Variants in GALNT13 observed in about 807,000 individuals in gnomAD.
The protein encoded by GALNT13 is polypeptide N-acetylgalactosaminyltransferase 13.
A neutral mutation model predicts 64.2 loss-of-function variants in GALNT13; 28 were observed. The ratio of observed to expected loss-of-function variants is 0.44; its 90% CI spans 0.32 to 0.60. The LOEUF (loss-of-function observed/expected upper bound fraction) is 0.60. Among genes scored for constraint, GALNT13 ranks in the 20% least tolerant of loss-of-function variants. GALNT13 has a pLI of 0.05. For missense variants in GALNT13, 577 were observed against 669.8 expected (o/e 0.86, Z 1.53); for synonymous variants, 214 against 224.6 (o/e 0.95, Z 0.42).
chr2:153,837,287 T>C, the GALNT13 span, among the ~76,000 whole-genome samples: 2 of 152,216 alleles, frequency 1.3e-5, no homozygotes, highest in African/African-American at 4.8e-5. Context: ...CATGTGTCTG[T>C]TGGCTGCATA....
intron 9 of GALNT13, among the ~76,000 whole-genome samples, chr2:154,371,534 A>G (rs1021894952): frequency 3.9e-5 from 6 of 152,108 alleles, no homozygotes; most frequent in Non-Finnish European, 8.8e-5. Context: ...GGAAAATCCT[A>G]TATAAAGGGA....
the GALNT13 span, among the ~76,000 whole-genome samples, chr2:153,461,012 TGGC>T: frequency 6.6e-6 from 1 of 152,182 alleles, no homozygotes; most frequent in Non-Finnish European, 1.5e-5. Flanking sequence ...GACAGAGTTG[TGGC>T]GTATACACTT....
chr2:153,361,937 G>T, the GALNT13 span, among the ~76,000 whole-genome samples: 2 of 152,078 alleles, frequency 1.3e-5, no homozygotes, highest in Admixed American at 6.6e-5. Context: ...TCCAAGGTTG[G>T]AATGAAGGAG....
the GALNT13 span, among the ~76,000 whole-genome samples, chr2:153,728,672 C>G: frequency 5.9e-4 from 89 of 152,000 alleles, no homozygotes; most frequent in African/African-American, 2.0e-3. Flanking sequence ...GCTAGAGACA[C>G]GAAAAACCCT....
the GALNT13 span, among the ~76,000 whole-genome samples, chr2:153,599,889 A>C: frequency 6.6e-6 from 1 of 151,986 alleles, no homozygotes; most frequent in Non-Finnish European, 1.5e-5. Flanking sequence ...CTCAGAGCTG[A>C]CACTAAACCA....
At chr2:153,440,064 T>C in the GALNT13 span, among the ~76,000 whole-genome samples, 2 of 152,146 alleles carry the variant, frequency 1.3e-5, no homozygotes, top group Non-Finnish European at 2.9e-5. Flanking sequence ...CAACCCGTCA[T>C]CTACATAGGT....
At chr2:153,131,136 A>G in the GALNT13 span, among the ~76,000 whole-genome samples, 1 of 152,136 alleles carries the variant, frequency 6.6e-6, no homozygotes, top group South Asian at 2.1e-4. Flanking sequence ...AATATTAATG[A>G]TGTGAAAAAA....
At chr2:153,546,836 A>G in the GALNT13 span, among the ~76,000 whole-genome samples, 1 of 152,326 alleles carries the variant, frequency 6.6e-6, no homozygotes, top group Admixed American at 6.5e-5. Flanking sequence ...GTCTTTTTGA[A>G]TAATTGCCCC....
chr2:154,090,045 C>A (rs913065222), intron 3 of GALNT13, among the ~76,000 whole-genome samples: 1 of 151,954 alleles, frequency 6.6e-6, no homozygotes, highest in Non-Finnish European at 1.5e-5. Flanking sequence ...GCGAGAAGCA[C>A]AAGTTTAAAC....
At chr2:153,307,910 A>C in the GALNT13 span, among the ~76,000 whole-genome samples, 1 of 152,174 alleles carries the variant, frequency 6.6e-6, no homozygotes, top group African/African-American at 2.4e-5. Context: ...AGTACATTAC[A>C]TTTATTTTCA....
chr2:154,242,064 A>G lies in GALNT13; in HGVS notation c.346A>G (p.Asn116Asp). 1 of 1,608,740 alleles carries G rather than the reference A, an allele frequency of 6.2e-7. No individual in the cohort carries two copies. The highest frequency in any genetic ancestry group is 1.1e-5 in the South Asian group (1 of 89,640). Residue 116 changes from asparagine to aspartate, a missense_variant, in exon 5 of 13, where the codon AAC becomes GAC. By Grantham distance (23) the Asn-to-Asp change is conservative. Transcript: ENST00000392825. ...KTKVYPDELPNTSVVIVFHNE... is the reference protein window; with the variant it reads ...KTKVYPDELPDTSVVIVFHNE... ...AAAAGTCTACCCTGATGAACTTCCA[A>G]ACACAAGTGTAGTCATTGTGTTTCA...
chr2:153,787,267 A>G, the GALNT13 span, among the ~76,000 whole-genome samples: 1 of 152,084 alleles, frequency 6.6e-6, no homozygotes, highest in South Asian at 2.1e-4. Flanking sequence ...ACTGAGCAAA[A>G]GCCTACCAAC....
At chr2:153,660,066 A>G in the GALNT13 span, among the ~76,000 whole-genome samples, 3 of 152,324 alleles carry the variant, frequency 2.0e-5, no homozygotes, top group East Asian at 5.8e-4. Context: ...CATATATTAT[A>G]GTGACAAAGA....
At chr2:153,349,775 G>A in the GALNT13 span, among the ~76,000 whole-genome samples, 2 of 151,968 alleles carry the variant, frequency 1.3e-5, no homozygotes, top group African/African-American at 4.8e-5. Flanking sequence ...GATGCAGGGC[G>A]TTTCTCTTTT....
intron 3 of GALNT13, among the ~76,000 whole-genome samples, chr2:153,987,418 G>A (rs1049299299): frequency 6.6e-6 from 1 of 151,790 alleles, no homozygotes; most frequent in Non-Finnish European, 1.5e-5. Flanking sequence ...CAACTGTTAA[G>A]CAAGAAGGTA....
chr2:154,374,329 CTTAA>C (rs747171333), intron 9 of GALNT13, among the ~76,000 whole-genome samples: 4 of 152,120 alleles, frequency 2.6e-5, no homozygotes, highest in South Asian at 2.1e-4. Flanking sequence ...TTTTTCAAAT[CTTAA>C]TTAAGCACTA....
the GALNT13 span, among the ~76,000 whole-genome samples, chr2:153,121,484 G>A: frequency 3.3e-5 from 5 of 152,188 alleles, no homozygotes; most frequent in African/African-American, 1.2e-4. Flanking sequence ...CTGTTAATGA[G>A]CTGGTACAGA....
At chr2:153,552,578 T>A in the GALNT13 span, among the ~76,000 whole-genome samples, 1 of 136,740 alleles carries the variant, frequency 7.3e-6, no homozygotes, top group Non-Finnish European at 1.5e-5. Flanking sequence ...TCTTCTTCTT[T>A]TTTTTTTTTT....
At chr2:153,646,185 T>C in the GALNT13 span, among the ~76,000 whole-genome samples, 6 of 152,002 alleles carry the variant, frequency 3.9e-5, no homozygotes, top group African/African-American at 1.4e-4. Flanking sequence ...CACAGTGAAA[T>C]TGCAAATAGC....
Sources: allele counts gnomAD v4.1 joint callset (sites outside exome capture counted in the v4.1 genomes callset), GRCh38; gene constraint gnomAD v4.1.1; transcripts MANE v1.5; gene names NCBI Gene and HGNC (gene_info 2026-07-23, HGNC 2026-07-21).